The following CHLSN variants were observed in gnomAD, a reference collection of about 807,000 sequenced individuals.
CHLSN encodes cholesin.
chr7:1,111,027 G>C, the CHLSN span, among the ~76,000 whole-genome samples: 1 of 152,286 alleles, frequency 6.6e-6, no homozygotes, highest in Admixed American at 6.5e-5. Flanking sequence ...AGTGAGCCGG[G>C]ATCGCACCAG....
chr7:980,655 G>A, the CHLSN span, among the ~76,000 whole-genome samples: 1 of 151,496 alleles, frequency 6.6e-6, no homozygotes, highest in African/African-American at 2.4e-5. Context: ...GCCGTTAGAG[G>A]AGTACTGTTA....
At chr7:1,018,063 G>C in the CHLSN span, among the ~76,000 whole-genome samples, 3 of 152,182 alleles carry the variant, frequency 2.0e-5, no homozygotes, top group African/African-American at 7.2e-5. Flanking sequence ...ACCCTAGGCA[G>C]AAATCCCCAC....
At chr7:1,098,271 A>G in the CHLSN span, among the ~76,000 whole-genome samples, 5 of 152,254 alleles carry the variant, frequency 3.3e-5, no homozygotes, top group Non-Finnish European at 7.3e-5. Context: ...CTCCACGCCC[A>G]TGGATCAACC....
At chr7:1,135,792 TAC>T in the CHLSN span, among the ~76,000 whole-genome samples, 6,028 of 106,326 alleles carry the variant, frequency 0.057, 149 homozygotes, top group Middle Eastern at 0.08. Flanking sequence ...TATATATATA[TAC>T]ACAATTTATT....
chr7:1,061,773 C>A, the CHLSN span, among the ~76,000 whole-genome samples: 1 of 151,784 alleles, frequency 6.6e-6, no homozygotes, highest in Non-Finnish European at 1.5e-5. Context: ...AGCCGTCTCC[C>A]CAACTCCCCA....
chr7:1,023,295 G>A, the CHLSN span, among the ~76,000 whole-genome samples: 18 of 152,282 alleles, frequency 1.2e-4, no homozygotes, highest in Admixed American at 4.6e-4. The surrounding 1 kb of genome is among the most constrained non-coding windows in gnomAD (Gnocchi z 5.0). Context: ...CACGGGGAGC[G>A]CCCACACCCG....
the CHLSN span, among the ~76,000 whole-genome samples, chr7:1,050,320 G>A: frequency 1.3e-5 from 2 of 152,256 alleles, no homozygotes; most frequent in Non-Finnish European, 2.9e-5. Context: ...CAGATCCCCA[G>A]GGCATTTGCT....
the CHLSN span, among the ~76,000 whole-genome samples, chr7:1,094,748 C>T: frequency 2.5e-4 from 38 of 152,222 alleles, no homozygotes; most frequent in African/African-American, 8.7e-4. Context: ...TCTCTCCTCC[C>T]GTCTGTGGGA....
chr7:1,023,627 ACACACACAC>A, the CHLSN span, among the ~76,000 whole-genome samples: 6 of 15,852 alleles, frequency 3.8e-4, no homozygotes. The surrounding 1 kb of genome is among the most constrained non-coding windows in gnomAD (Gnocchi z 5.0). Context: ...CCCAGGAAAC[ACACACACAC>A]ACACACACAC....
the CHLSN span, among the ~76,000 whole-genome samples, chr7:1,013,764 C>T: frequency 2.0e-5 from 3 of 152,188 alleles, no homozygotes; most frequent in Admixed American, 6.5e-5. Context: ...AGCAGAAAGT[C>T]GTACAAAAGT....
At chr7:986,576 A>C in the CHLSN span, 2 of 1,601,398 alleles carry the variant, frequency 1.2e-6, no homozygotes, top group Middle Eastern at 3.5e-4. Context: ...CCCAGCGTGC[A>C]GCCCTGGGGC....
chr7:1,099,853 G>T, the CHLSN span, among the ~76,000 whole-genome samples: 6,789 of 152,334 alleles, frequency 0.045, 479 homozygotes, highest in African/African-American at 0.15. Flanking sequence ...AGAGGACAAG[G>T]GTACGTCATT....
the CHLSN span, among the ~76,000 whole-genome samples, chr7:1,094,269 T>C: frequency 6.6e-6 from 1 of 152,216 alleles, no homozygotes; most frequent in African/African-American, 2.4e-5. Context: ...TGGCAGCAGC[T>C]GTCCCTGATG....
the CHLSN span, among the ~76,000 whole-genome samples, chr7:1,134,212 G>A: frequency 6.6e-6 from 1 of 151,628 alleles, no homozygotes; most frequent in Non-Finnish European, 1.5e-5. Flanking sequence ...GTTCAAGGGT[G>A]CAGTGAATCA....
chr7:1,008,842 C>G, the CHLSN span, among the ~76,000 whole-genome samples: 65 of 95,418 alleles, frequency 6.8e-4, no homozygotes, highest in Admixed American at 4.7e-3. Context: ...TGTATACACA[C>G]GCACACACGT....
chr7:1,053,717 T>C, the CHLSN span, among the ~76,000 whole-genome samples: 1 of 151,970 alleles, frequency 6.6e-6, no homozygotes, highest in Non-Finnish European at 1.5e-5. Context: ...ATCCCAGCTA[T>C]TCGGGAGGCT....
the CHLSN span, chr7:1,028,582 C>G: frequency 1.0e-6 from 1 of 984,984 alleles, no homozygotes; most frequent in African/African-American, 1.7e-5. Context: ...CCTGCGCGAA[C>G]TGCGGGGAGG....
chr7:1,036,480 C>T, the CHLSN span, among the ~76,000 whole-genome samples: 26 of 149,172 alleles, frequency 1.7e-4, no homozygotes, highest in East Asian at 4.0e-4. Flanking sequence ...TTCGGGTGCT[C>T]GTGGTGTGGC....
At chr7:1,057,416 C>T in the CHLSN span, 3 of 627,808 alleles carry the variant, frequency 4.8e-6, no homozygotes, top group Non-Finnish European at 8.7e-6. Context: ...GAGAAGGCAC[C>T]CCTGTACCTG....
Sources: allele counts gnomAD v4.1 joint callset (sites outside exome capture counted in the v4.1 genomes callset), GRCh38; gene constraint gnomAD v4.1.1; non-coding constraint Gnocchi (gnomAD v3.1); transcripts MANE v1.5; gene names NCBI Gene and HGNC (gene_info 2026-07-23, HGNC 2026-07-21).